CMKLR1: variants seen among roughly 807,000 people sequenced by gnomAD.
CMKLR1 encodes chemerin chemokine-like receptor 1.
A neutral mutation model predicts 8.2 loss-of-function variants in CMKLR1; 6 were observed. That is an observed-to-expected ratio of 0.73 (90% CI 0.40 to 1.44). The LOEUF is 1.44. Ranked by LOEUF, CMKLR1 falls within the 40% of genes most tolerant of loss-of-function variation. CMKLR1 has a pLI of 0.02. For synonymous variants in CMKLR1, 178 were observed against 181.2 expected (o/e 0.98, Z 0.14); for missense variants, 429 against 478.0 (o/e 0.90, Z 0.96).
chr12:108,320,309 C>T (rs918345391), intron 2 of CMKLR1, among the ~76,000 whole-genome samples: 4 of 152,040 alleles, frequency 2.6e-5, no homozygotes, highest in African/African-American at 9.7e-5. Flanking sequence ...CTCTAAAATC[C>T]CAAAGGGGTG....
intron 2 of CMKLR1, among the ~76,000 whole-genome samples, chr12:108,308,037 G>A (rs79897392): frequency 0.076 from 11,587 of 152,268 alleles, 807 homozygotes; most frequent in African/African-American, 0.18. Context: ...GTGAGCACGT[G>A]GGTAGAATCA....
chr12:108,310,879 G>A lies in CMKLR1; in HGVS notation c.-73-17215C>T, dbSNP rs772872936. ...AGGAGGGAGGCAGTGCTGAGGGGCAGCCAGAACCTGCAGCTCACCAGGGAG... is the reference window on the plus strand; with the variant it reads ...AGGAGGGAGGCAGTGCTGAGGGGCAACCAGAACCTGCAGCTCACCAGGGAG... On this transcript the variant is annotated intron_variant, in intron 2 of 3. Transcript: ENST00000550402. Among the ~76,000 whole-genome samples the A allele has an allele frequency of 1.5e-3, 226 of 152,276 alleles. 1 individual carries two copies. Among genetic ancestry groups the A allele is most frequent in the Non-Finnish European group, 2.3e-3 (156 of 68,030 alleles).
At chr12:108,321,421 G>A (rs564070099) in intron 2 of CMKLR1, among the ~76,000 whole-genome samples, 1 of 152,244 alleles carries the variant, frequency 6.6e-6, no homozygotes, top group Admixed American at 6.5e-5. Flanking sequence ...GACAGAGTGA[G>A]ACCCTGTCTC....
intron 1 of CMKLR1, among the ~76,000 whole-genome samples, chr12:108,337,671 A>G (rs1892259708): frequency 1.3e-5 from 2 of 152,110 alleles, no homozygotes; most frequent in Admixed American, 1.3e-4. Flanking sequence ...GACTTGCCCA[A>G]AGTTAAGGTT....
At position 108,334,557 on chromosome 12, in the gene CMKLR1, G is replaced by A. The variant is rs540673598; in HGVS notation, c.-286-4350C>T. Among the ~76,000 whole-genome samples, 7 of 152,316 alleles carry A rather than the reference G, an allele frequency of 4.6e-5. No homozygotes were observed. In the South Asian group the frequency reaches 1.0e-3, roughly 23 times the overall value. On this transcript the variant is annotated intron_variant, in intron 1 of 3. Transcript: ENST00000550402. ...CAGTCAGCAGCCTTGGCCCATTCTG[G>A]GGAGTTTGAGCATGATTCCTGAGCT...
chr12:108,318,068 A>G (rs1162414252), intron 2 of CMKLR1, among the ~76,000 whole-genome samples: 1 of 152,214 alleles, frequency 6.6e-6, no homozygotes, highest in Non-Finnish European at 1.5e-5. Context: ...ATCCTTTTTG[A>G]TAGCTGCATA....
chr12:108,319,303 G>T (rs776757674), intron 2 of CMKLR1, among the ~76,000 whole-genome samples: 24 of 152,238 alleles, frequency 1.6e-4, no homozygotes, highest in Non-Finnish European at 2.8e-4. Flanking sequence ...CAACATTGAG[G>T]ACCACCCCTA....
intron 2 of CMKLR1, among the ~76,000 whole-genome samples, chr12:108,318,637 T>C (rs1891788261): frequency 6.6e-6 from 1 of 152,124 alleles, no homozygotes; most frequent in Non-Finnish European, 1.5e-5. Flanking sequence ...CTGTTCTCTG[T>C]GGGTTCCCAG....
In CMKLR1 at chr12:108,298,034, A is replaced by G. The variant is rs143052493; in HGVS notation, c.-73-4370T>C. On this transcript the variant is annotated intron_variant, in intron 2 of 3. Coordinates refer to ENST00000550402, the MANE Select transcript of CMKLR1 (RefSeq NM_001142343.2). ...TCTGGAGGATTCAGGGTAAGGAACA[A>G]TGTTGCTTCTCTTGAGGAACTGGGT... Among the ~76,000 whole-genome samples the G allele has an allele frequency of 1.8e-3, 280 of 152,296 alleles. 1 individual carries two copies. The highest frequency in any genetic ancestry group is 6.5e-3 in the African/African-American group (269 of 41,566).
chr12:108,294,758 A>G (rs1891086903), intron 2 of CMKLR1, among the ~76,000 whole-genome samples: 1 of 152,160 alleles, frequency 6.6e-6, no homozygotes, highest in Non-Finnish European at 1.5e-5. Flanking sequence ...TCTGCGGCTC[A>G]TGATCTCCCC....
At position 108,337,084 on chromosome 12, in the gene CMKLR1, C is replaced by T. The variant is rs1273546601; in HGVS notation, c.-287+1943G>A. Reference sequence around the variant, plus strand: ...TATCAAATAATATCATCCTTATTTACAGATGATATTATTGTGGCCAGAGAG... The same window carrying T: ...TATCAAATAATATCATCCTTATTTATAGATGATATTATTGTGGCCAGAGAG... On this transcript the variant is annotated intron_variant, in intron 1 of 3. Transcript: ENST00000550402. Among the ~76,000 whole-genome samples, 5 of 152,292 alleles carry T rather than the reference C, an allele frequency of 3.3e-5. No individual in the cohort carries two copies. The East Asian group carries it at 9.6e-4, about 29-fold the overall frequency.
In CMKLR1 at chr12:108,328,911, C is replaced by T. The variant is rs144439796; in HGVS notation, c.-74+1084G>A. On this transcript the variant is annotated intron_variant, in intron 2 of 3. Transcript: ENST00000550402. Reference sequence around the variant, plus strand: ...CCTTTAGGATTAAACCAAAAGGAAACACCTCATTTCCTCTCAGCCTCTATG... The same window carrying T: ...CCTTTAGGATTAAACCAAAAGGAAATACCTCATTTCCTCTCAGCCTCTATG... Among the ~76,000 whole-genome samples the T allele has an allele frequency of 2.7e-4, 41 of 152,310 alleles. 4 individuals are homozygous for T. The highest frequency in any genetic ancestry group is 9.1e-4 in the African/African-American group (38 of 41,566).
intron 2 of CMKLR1, among the ~76,000 whole-genome samples, chr12:108,308,467 C>A (rs985543388): frequency 6.6e-6 from 1 of 150,782 alleles, no homozygotes; most frequent in Admixed American, 6.7e-5. Context: ...CCGGACCTCT[C>A]GCTGGCCGCT....
Position 108,308,039 on chromosome 12 carries a change from G to A in CMKLR1, c.-73-14375C>T, listed in dbSNP as rs192938465. On this transcript the variant is annotated intron_variant, in intron 2 of 3. Coordinates refer to ENST00000550402, the MANE Select transcript of CMKLR1 (RefSeq NM_001142343.2). ...GTGAAGTGACCGAGTGAGCACGTGG[G>A]TAGAATCAGGAGCTCCAGGCTGGGC... 2.9e-3 allele frequency among the ~76,000 whole-genome samples: 441 copies of A among 152,340 alleles called. 3 individuals carry two copies. Among genetic ancestry groups the A allele is most frequent in the Non-Finnish European group, 3.6e-3 (245 of 68,036 alleles).
intron 2 of CMKLR1, among the ~76,000 whole-genome samples, chr12:108,299,125 G>T (rs1188410533): frequency 2.6e-5 from 4 of 152,208 alleles, no homozygotes; most frequent in Non-Finnish European, 5.9e-5. Flanking sequence ...TCAGGACTGG[G>T]CAGCAGACGG....
At chr12:108,336,762 A>G (rs1892235899) in intron 1 of CMKLR1, among the ~76,000 whole-genome samples, 1 of 152,244 alleles carries the variant, frequency 6.6e-6, no homozygotes, top group Non-Finnish European at 1.5e-5. Flanking sequence ...AATCAATAAT[A>G]ATTTCCATTT....
chr12:108,292,741 G>GTTCACTGTC lies in CMKLR1; in HGVS notation c.213_221dup (p.Lys71_Val73dup). On this transcript the variant is annotated inframe_insertion, in exon 4 of 4. Transcript: ENST00000550402. ...CTGCCAGGTTGAGGAACCAGACCATGTTCACTGTCTTCTTCATCTTGAAGG... is the reference window on the plus strand; with the variant it reads ...CTGCCAGGTTGAGGAACCAGACCATGTTCACTGTCTTCACTGTCTTCTTCATCTTGAAGG... The GTTCACTGTC allele has an allele frequency of 1.2e-6, 2 of 1,614,164 alleles. No individual in the cohort carries two copies. Among genetic ancestry groups the GTTCACTGTC allele is most frequent in the Non-Finnish European group, 1.7e-6 (2 of 1,180,034 alleles).
rs370357029 is a variant in CMKLR1 at position 108,337,075 on chromosome 12, C to T, written c.-287+1952G>A. Among the ~76,000 whole-genome samples the T allele has an allele frequency of 3.3e-5, 5 of 152,256 alleles. No individual in the cohort carries two copies. The East Asian group carries it at 9.6e-4, about 29-fold the overall frequency. ...TGATAATAATATCAAATAATATCAT[C>T]CTTATTTACAGATGATATTATTGTG... On this transcript the variant is annotated intron_variant, in intron 1 of 3. Coordinates refer to ENST00000550402, the MANE Select transcript of CMKLR1 (RefSeq NM_001142343.2).
intron 2 of CMKLR1, among the ~76,000 whole-genome samples, chr12:108,314,097 C>T (rs1424059832): frequency 6.6e-6 from 1 of 152,160 alleles, no homozygotes; most frequent in Admixed American, 6.5e-5. Flanking sequence ...TATTTTTGTT[C>T]ACTTAATTAT....
Sources: allele counts gnomAD v4.1 joint callset (sites outside exome capture counted in the v4.1 genomes callset), GRCh38; gene constraint gnomAD v4.1.1; transcripts MANE v1.5; gene names NCBI Gene and HGNC (gene_info 2026-07-23, HGNC 2026-07-21).